The following GINS1 variants were observed in gnomAD, a reference collection of about 807,000 sequenced individuals.
GINS1 encodes DNA replication complex GINS protein PSF1.
GINS1 carries 26 observed loss-of-function variants against 34.9 expected under a neutral mutation model. The observed-to-expected ratio is 0.74, with a 90% confidence interval of 0.55 to 1.03. The LOEUF is 1.03. Ranked by LOEUF, GINS1 falls within the 50% of genes least tolerant of loss-of-function variation. The pLI is 0.00. For synonymous variants in GINS1, 97 were observed against 84.4 expected (o/e 1.15, Z -0.82); for missense variants, 235 against 237.9 (o/e 0.99, Z 0.08).
At chr20:25,424,179 A>AT (rs1185026638) in intron 4 of GINS1, among the ~76,000 whole-genome samples, 1 of 152,186 alleles carries the variant, frequency 6.6e-6, no homozygotes, top group Non-Finnish European at 1.5e-5. Context: ...ATCTGTTCTT[A>AT]TACCAATTCC....
Position 25,442,909 on chromosome 20 carries a change from A to T in GINS1, c.522+1133A>T, listed in dbSNP as rs189550772. 2.6e-5 allele frequency: 4 copies of T among 152,188 alleles called. No homozygotes were observed. The East Asian group carries it at 7.7e-4, about 29-fold the overall frequency. The allele number at this position is 152,188 out of a possible 1,614,324, so 9.4% of individuals were successfully genotyped here. A position where few individuals can be genotyped will look rare whatever the true frequency, so the allele number is the denominator to read the frequency against. On this transcript the variant is annotated intron_variant, in intron 6 of 6. Coordinates refer to ENST00000262460, the MANE Select transcript of GINS1 (RefSeq NM_021067.5). Reference sequence around the variant, plus strand: ...GCTTAAGCCACTGTGCCCGGCCACTAAATTTTTTATCCTATCCCAATTTTC... The same window carrying T: ...GCTTAAGCCACTGTGCCCGGCCACTTAATTTTTTATCCTATCCCAATTTTC...
Position 25,407,829 on chromosome 20 carries a change from C to A in GINS1, c.9C>A (p.Cys3Ter). MF[C>*]EKAMELIREL... ...AGTGGGAAGCGTCCGCCATGTTCTG[C>A]GAAAAAGCCATGGAACTGATCCGCG... Residue 3 changes from cysteine (C) to a stop codon, truncating the protein, a stop_gained, in exon 1 of 7, where the codon TGC becomes TGA. Transcript: ENST00000262460. LOFTEE classifies it high-confidence loss of function. 6.2e-7 allele frequency: 1 copy of A among 1,613,778 alleles called. No homozygotes were observed. Among genetic ancestry groups the A allele is most frequent in the Non-Finnish European group, 8.5e-7 (1 of 1,179,770 alleles).
chr20:25,430,621 C>T (rs1484857717), intron 5 of GINS1, among the ~76,000 whole-genome samples: 1 of 152,184 alleles, frequency 6.6e-6, no homozygotes, highest in African/African-American at 2.4e-5. Flanking sequence ...ACCTCTGCCT[C>T]CTGGGTTCAA....
intron 5 of GINS1, 54 bp downstream of exon 5, chr20:25,425,381 T>C (rs1449050937): frequency 1.3e-6 from 1 of 769,710 alleles, no homozygotes; most frequent in African/African-American, 1.7e-5. Context: ...TTGTGCTACC[T>C]TTTAAGAAGA....
At chr20:25,416,122 G>A (rs1568798676) in intron 2 of GINS1, among the ~76,000 whole-genome samples, 1 of 152,170 alleles carries the variant, frequency 6.6e-6, no homozygotes, top group Non-Finnish European at 1.5e-5. Context: ...AAAAGATAAT[G>A]CTGGTTGCTG....
intron 5 of GINS1, among the ~76,000 whole-genome samples, chr20:25,438,553 G>C (rs1004677922): frequency 7.7e-6 from 1 of 130,152 alleles, no homozygotes; most frequent in Non-Finnish European, 1.6e-5. Context: ...CAGTATCTGG[G>C]TCTGTTGTTC....
At chr20:25,426,549 G>A (rs1485709445) in intron 5 of GINS1, among the ~76,000 whole-genome samples, 2 of 151,568 alleles carry the variant, frequency 1.3e-5, no homozygotes, top group Non-Finnish European at 2.9e-5. Flanking sequence ...TTTTGAGATG[G>A]AGTTTCACTC....
intron 1 of GINS1, 81 bp from the exon 2 acceptor site, chr20:25,413,709 A>C: frequency 1.2e-6 from 1 of 819,248 alleles, no homozygotes; most frequent in Non-Finnish European, 2.2e-6. Context: ...TAAATGAAAG[A>C]TACAGTTCAG....
intron 5 of GINS1, among the ~76,000 whole-genome samples, chr20:25,427,415 C>T (rs1339254440): frequency 2.0e-5 from 3 of 152,186 alleles, no homozygotes. Context: ...CCAGGCTGGT[C>T]TTGAACTCCT....
At chr20:25,443,046 A>C (rs1489270124) in intron 6 of GINS1, 1 of 152,128 alleles carries the variant, frequency 6.6e-6, no homozygotes, top group Non-Finnish European at 1.5e-5. Context: ...TTTGGTGTTC[A>C]CTTTGTTCAT....
intron 4 of GINS1, chr20:25,421,066 C>A: frequency 1.9e-6 from 1 of 532,118 alleles, no homozygotes; most frequent in Non-Finnish European, 2.4e-6. Flanking sequence ...GATAGTGCTT[C>A]AATGGGTGAC....
chr20:25,422,706 T>G (rs530587630), intron 4 of GINS1, among the ~76,000 whole-genome samples: 1 of 152,366 alleles, frequency 6.6e-6, no homozygotes, highest in African/African-American at 2.4e-5. Flanking sequence ...CTTTAATGAT[T>G]GATGACTTTC....
At chr20:25,416,180 G>T (rs1259992992) in intron 2 of GINS1, among the ~76,000 whole-genome samples, 1 of 152,194 alleles carries the variant, frequency 6.6e-6, no homozygotes, top group Non-Finnish European at 1.5e-5. Context: ...GGTTACTAGA[G>T]AGGTGACCCA....
intron 5 of GINS1, among the ~76,000 whole-genome samples, chr20:25,429,105 C>T (rs2090412671): frequency 6.6e-6 from 1 of 150,952 alleles, no homozygotes; most frequent in South Asian, 2.1e-4. Context: ...TCTCCTTTCT[C>T]AGCCTCCCAA....
At chr20:25,444,665 C>G (rs1459624949) in intron 6 of GINS1, among the ~76,000 whole-genome samples, 2 of 152,136 alleles carry the variant, frequency 1.3e-5, no homozygotes, top group African/African-American at 4.8e-5. Flanking sequence ...GCCTTGCTTC[C>G]TTAACCTCCC....
At chr20:25,413,144 G>A (rs532561033) in intron 1 of GINS1, among the ~76,000 whole-genome samples, 1 of 151,148 alleles carries the variant, frequency 6.6e-6, no homozygotes, top group African/African-American at 2.4e-5. Context: ...ATTGCAACCC[G>A]GGTTCAAGCG....
At position 25,421,572 on chromosome 20, in the gene GINS1, A is replaced by G. The variant is rs186071551; in HGVS notation, c.330+3377A>G. ...ACATCTTTTATGTTTTTAAAATAGT[A>G]ACATCTTTTGTTTTTTGATTTCCTA... is the stretch of plus-strand genomic sequence containing the variant. On this transcript the variant is annotated intron_variant, in intron 4 of 6. Transcript: ENST00000262460. 2.0e-5 allele frequency among the ~76,000 whole-genome samples: 3 copies of G among 152,310 alleles called. No individual in the cohort carries two copies. In the East Asian group the frequency reaches 5.8e-4, roughly 29 times the overall value.
At chr20:25,426,741 T>C (rs2090393334) in intron 5 of GINS1, among the ~76,000 whole-genome samples, 1 of 151,804 alleles carries the variant, frequency 6.6e-6, no homozygotes, top group African/African-American at 2.4e-5. Context: ...GTCAGGCTGG[T>C]CTCGAACTCC....
intron 5 of GINS1, among the ~76,000 whole-genome samples, chr20:25,430,772 C>A (rs1402504456): frequency 6.6e-6 from 1 of 152,214 alleles, no homozygotes; most frequent in Non-Finnish European, 1.5e-5. Context: ...TCAGGTGATC[C>A]TCCCGCCTTG....
Sources: allele counts gnomAD v4.1 joint callset (sites outside exome capture counted in the v4.1 genomes callset), GRCh38; gene constraint gnomAD v4.1.1; transcripts MANE v1.5; gene names NCBI Gene and HGNC (gene_info 2026-07-23, HGNC 2026-07-21).